Variants in NAV3 observed in about 807,000 individuals in gnomAD.
NAV3 encodes the protein pore membrane and/or filament interacting like protein 1.
Under a neutral mutation model 244.7 loss-of-function variants are expected in NAV3, and 87 were observed. The ratio of observed to expected loss-of-function variants is 0.36; its 90% CI spans 0.30 to 0.42. NAV3 has a LOEUF of 0.42. Ranked by LOEUF, NAV3 falls within the 20% of genes least tolerant of loss-of-function variation. The pLI is 1.00. For synonymous variants in NAV3, 1,126 were observed against 1,042.2 expected (o/e 1.08, Z -1.55); for missense variants, 2,663 against 2,893.3 (o/e 0.92, Z 1.83).
intron 1 of NAV3, among the ~76,000 whole-genome samples, chr12:77,889,517 A>T (rs2731428): frequency 0.27 from 40,443 of 152,116 alleles, 5,491 homozygotes; most frequent in Middle Eastern, 0.36. Context: ...AATTAATGGA[A>T]ATGTGACTAT....
intron 2 of NAV3, among the ~76,000 whole-genome samples, chr12:77,753,601 G>A (rs1433116266): frequency 1.3e-5 from 2 of 152,170 alleles, no homozygotes; most frequent in Non-Finnish European, 2.9e-5. Flanking sequence ...AATGATGATA[G>A]CATTAAAAAT....
At chr12:77,936,164 G>A (rs1889306968) in intron 1 of NAV3, among the ~76,000 whole-genome samples, 1 of 152,136 alleles carries the variant, frequency 6.6e-6, no homozygotes, top group Non-Finnish European at 1.5e-5. Flanking sequence ...GTTCCTCAAA[G>A]AATACATGCT....
intron 1 of NAV3, among the ~76,000 whole-genome samples, chr12:77,915,734 G>T (rs1565917790): frequency 6.6e-6 from 1 of 151,924 alleles, no homozygotes; most frequent in Non-Finnish European, 1.5e-5. Context: ...GAGCTGTAAA[G>T]ACAAAAAAGT....
intron 2 of NAV3, among the ~76,000 whole-genome samples, chr12:77,816,726 T>TG (rs1396662311): frequency 1.3e-5 from 2 of 152,176 alleles, no homozygotes; most frequent in African/African-American, 4.8e-5. Flanking sequence ...CTGTCACTCC[T>TG]TTACCTCTGC....
chr12:77,598,754 A>G (rs1004298219), intron 2 of NAV3, among the ~76,000 whole-genome samples: 1 of 151,968 alleles, frequency 6.6e-6, no homozygotes, highest in Non-Finnish European at 1.5e-5. Context: ...TTTTGATTTT[A>G]TTTGTAAAAA....
At chr12:77,842,536 C>T (rs1875857409) in intron 1 of NAV3, among the ~76,000 whole-genome samples, 1 of 150,682 alleles carries the variant, frequency 6.6e-6, no homozygotes, top group Admixed American at 6.7e-5. Context: ...AGTCAAGTAT[C>T]CAGCAAGAAG....
At chr12:78,139,979 A>G (rs1176238937) in intron 19 of NAV3, among the ~76,000 whole-genome samples, 2 of 152,124 alleles carry the variant, frequency 1.3e-5, no homozygotes, top group Non-Finnish European at 2.9e-5. Flanking sequence ...ATGCTATTCT[A>G]TTTATTATAT....
intron 3 of NAV3, among the ~76,000 whole-genome samples, chr12:77,942,822 A>G (rs1890001038): frequency 6.6e-6 from 1 of 152,238 alleles, no homozygotes; most frequent in Non-Finnish European, 1.5e-5. Context: ...TAAAGGACAC[A>G]TGCGTGGATT....
chr12:77,591,296 T>A (rs1320988313), intron 2 of NAV3, among the ~76,000 whole-genome samples: 3 of 152,238 alleles, frequency 2.0e-5, no homozygotes, highest in Non-Finnish European at 4.4e-5. Context: ...CATATTCATC[T>A]GTTTTATTTA....
At chr12:77,669,315 C>A (rs765275369) in intron 2 of NAV3, among the ~76,000 whole-genome samples, 1 of 152,094 alleles carries the variant, frequency 6.6e-6, no homozygotes, top group Non-Finnish European at 1.5e-5. Context: ...ATTCAGGCAA[C>A]AAATAGCACG....
intron 1 of NAV3, among the ~76,000 whole-genome samples, chr12:77,902,145 T>C (rs1469945825): frequency 6.6e-6 from 1 of 152,190 alleles, no homozygotes; most frequent in African/African-American, 2.4e-5. Context: ...TCGAGTTATT[T>C]TATTGGTAGT....
chr12:77,903,479 A>T (rs1376655105), intron 1 of NAV3, among the ~76,000 whole-genome samples: 6 of 152,216 alleles, frequency 3.9e-5, no homozygotes, highest in Non-Finnish European at 1.5e-5. Context: ...CTTACACCTT[A>T]TACAAAAATT....
intron 2 of NAV3, among the ~76,000 whole-genome samples, chr12:77,590,796 G>T (rs1299919207): frequency 6.6e-6 from 1 of 152,214 alleles, no homozygotes; most frequent in Non-Finnish European, 1.5e-5. Flanking sequence ...TAAGAAAGCA[G>T]GTTGTAGCGT....
chr12:77,981,710 G>A (rs1037345011), intron 5 of NAV3, among the ~76,000 whole-genome samples: 3 of 151,792 alleles, frequency 2.0e-5, no homozygotes, highest in African/African-American at 7.3e-5. Context: ...GAAAAAATTG[G>A]GAGGTAAAAA....
At chr12:77,895,951 C>A (rs1884567979) in intron 1 of NAV3, among the ~76,000 whole-genome samples, 1 of 72,756 alleles carries the variant, frequency 1.4e-5, no homozygotes. Context: ...ATCTCAATTT[C>A]CAGTAAAAAA....
chr12:77,961,722 A>G (rs913315694), intron 3 of NAV3, among the ~76,000 whole-genome samples: 2 of 148,562 alleles, frequency 1.3e-5, no homozygotes, highest in Admixed American at 6.8e-5. Context: ...TATGTTACAT[A>G]TATGTAATAT....
intron 12 of NAV3, among the ~76,000 whole-genome samples, chr12:78,070,652 C>T (rs1566090028): frequency 1.3e-5 from 2 of 151,328 alleles, no homozygotes; most frequent in Non-Finnish European, 2.9e-5. Context: ...GCTGCACCCA[C>T]TAACTAGTCA....
intron 2 of NAV3, among the ~76,000 whole-genome samples, chr12:77,607,158 C>G (rs1288458053): frequency 6.6e-6 from 1 of 152,054 alleles, no homozygotes; most frequent in Non-Finnish European, 1.5e-5. Flanking sequence ...CAAAAATACT[C>G]TCACACATTT....
intron 1 of NAV3, among the ~76,000 whole-genome samples, chr12:77,838,730 C>T (rs1236524372): frequency 6.6e-6 from 1 of 152,104 alleles, no homozygotes; most frequent in African/African-American, 2.4e-5. Flanking sequence ...TTATCCATAT[C>T]CAATTTTGAA....
Sources: gnomAD v4.1 joint callset for allele counts (sites outside exome capture counted in the v4.1 genomes callset) on GRCh38, gnomAD v4.1.1 for gene constraint, MANE v1.5 for transcripts, NCBI Gene and HGNC (gene_info 2026-07-23, HGNC 2026-07-21) for gene names.